The following IRAG1 variants were observed in gnomAD, a reference collection of about 807,000 sequenced individuals.
The protein encoded by IRAG1 is IP3R-associated cGMP kinase substrate.
IRAG1 carries 62 observed loss-of-function variants against 106.2 expected under a neutral mutation model. The observed-to-expected ratio is 0.58, with a 90% confidence interval of 0.48 to 0.72. The LOEUF is 0.72. Among genes scored for constraint, IRAG1 ranks in the 30% least tolerant of loss-of-function variants. The pLI, the probability that IRAG1 is intolerant of heterozygous loss-of-function variation, is 0.00. For synonymous variants in IRAG1, 462 were observed against 443.9 expected (o/e 1.04, Z -0.51); for missense variants, 1,064 against 1,140.7 (o/e 0.93, Z 0.97).
In IRAG1 at chr11:10,605,804, G is replaced by A. The variant is rs137956664; in HGVS notation, c.1602+938C>T. ...AAATTTTCTGCCTTACCCGGCCTTGGTCAAGTCTATGAATAATGCTCAATG... is the reference window on the plus strand; with the variant it reads ...AAATTTTCTGCCTTACCCGGCCTTGATCAAGTCTATGAATAATGCTCAATG... On this transcript the variant is annotated intron_variant, in intron 12 of 20. Coordinates refer to ENST00000423302, the MANE Select transcript of IRAG1 (RefSeq NM_130385.4). Among the ~76,000 whole-genome samples, 890 of 152,302 alleles carry A rather than the reference G, an allele frequency of 5.8e-3. 12 individuals carry two copies. The highest frequency in any genetic ancestry group is 0.02 in the African/African-American group (831 of 41,560).
intron 1 of IRAG1, among the ~76,000 whole-genome samples, chr11:10,689,558 T>C (rs1473857748): frequency 6.6e-6 from 1 of 152,134 alleles, no homozygotes; most frequent in Non-Finnish European, 1.5e-5. Flanking sequence ...TATAAACCTA[T>C]GGAAGAGCCA....
In IRAG1 at chr11:10,627,996, G is replaced by A. The variant is rs59841977; in HGVS notation, c.682C>T (p.Pro228Ser). ...ACCTGTGGTGGTGCTCCAGGCAGAG[G>A]GGATGGCGGGCCACTGCACACATCC... Reference protein sequence around the residue: ...GLDVCSGPPSPLPGAPPQKGD... With the variant: ...GLDVCSGPPSSLPGAPPQKGD... The change falls in exon 7 of 21, where the codon CCT becomes TCT. Residue 228 changes from proline (P) to serine (S), a missense_variant. Pro to Ser is a moderately conservative substitution (Grantham distance 74). Coordinates refer to ENST00000423302, the MANE Select transcript of IRAG1 (RefSeq NM_130385.4). 4,446 of 1,611,372 alleles carry A rather than the reference G, an allele frequency of 2.8e-3. 104 individuals carry two copies. The African/African-American group carries it at 0.053, about 19-fold the overall frequency.
intron 14 of IRAG1, among the ~76,000 whole-genome samples, chr11:10,601,640 T>C (rs909531534): frequency 2.6e-5 from 4 of 152,234 alleles, no homozygotes; most frequent in Non-Finnish European, 5.9e-5. Flanking sequence ...TTTGTAAGTC[T>C]GGGTTGTGAA....
chr11:10,647,605 A>C lies in IRAG1; in HGVS notation c.225+4420T>G, dbSNP rs1288567702. 1.3e-5 allele frequency among the ~76,000 whole-genome samples: 2 copies of C among 152,080 alleles called. No homozygotes were observed. The highest frequency in any genetic ancestry group is 2.9e-5 in the Non-Finnish European group (2 of 68,020). ...CAGGTGGAAGCTAGAGCCGGTGAAA[A>C]TTGGGCTCTTACAGCTAACATGAGC... is the stretch of plus-strand genomic sequence containing the variant. On this transcript the variant is annotated intron_variant, in intron 2 of 20. Coordinates refer to ENST00000423302, the MANE Select transcript of IRAG1 (RefSeq NM_130385.4). This position sits in a 1 kb window ranked among gnomAD's most constrained non-coding sequence, Gnocchi z 4.3.
chr11:10,616,651 C>G (rs977698284), intron 10 of IRAG1, among the ~76,000 whole-genome samples: 3 of 152,156 alleles, frequency 2.0e-5, no homozygotes, highest in African/African-American at 7.2e-5. Flanking sequence ...TACCAAAATT[C>G]AGCAAGTCTT....
chr11:10,628,097 C>G lies in IRAG1; in HGVS notation c.653-72G>C. ...CTCAGCTGTGCTTTCAGCCACATCT[C>G]CCTCCCCGGGCTATCCTCCCTTTGC... On this transcript the variant is annotated intron_variant, in intron 6 of 20. Coordinates refer to ENST00000423302, the MANE Select transcript of IRAG1 (RefSeq NM_130385.4). This position sits in a 1 kb window ranked among gnomAD's most constrained non-coding sequence, Gnocchi z 4.1. 1 of 1,520,010 alleles carries G rather than the reference C, an allele frequency of 6.6e-7. No homozygotes were observed. The highest frequency in any genetic ancestry group is 9.1e-7 in the Non-Finnish European group (1 of 1,102,664). The allele number at this position is 1,520,010 out of a possible 1,614,324, so 94.2% of individuals were successfully genotyped here. A position where few individuals can be genotyped will look rare whatever the true frequency, so the allele number is the denominator to read the frequency against.
At chr11:10,678,381 T>C (rs1194515219) in intron 1 of IRAG1, among the ~76,000 whole-genome samples, 1 of 152,178 alleles carries the variant, frequency 6.6e-6, no homozygotes, top group Non-Finnish European at 1.5e-5. Flanking sequence ...TGTTCCTAGT[T>C]TTTAATACTG....
chr11:10,576,938 A>G (rs1372312968), intron 20 of IRAG1, among the ~76,000 whole-genome samples: 1 of 152,166 alleles, frequency 6.6e-6, no homozygotes, highest in Non-Finnish European at 1.5e-5. Flanking sequence ...CACTCTCCCA[A>G]GCCCGGGGGT....
rs1850806026 is a variant in IRAG1 at position 10,576,267 on chromosome 11, A to G, written c.*65T>C. 2 of 1,599,126 alleles carry G rather than the reference A, an allele frequency of 1.3e-6. No homozygotes were observed. The highest frequency in any genetic ancestry group is 1.1e-5 in the South Asian group (1 of 89,882). On this transcript the variant is annotated 3_prime_UTR_variant, in exon 21 of 21. Transcript: ENST00000423302. The stretch of plus-strand genomic sequence containing the variant: ...TGTGTCCACACTTGGGCCTGACGTT[A>G]TACTTGGGGAAAGGGTGGTAGTCTG...
At chr11:10,691,038 C>A (rs1470311875) in intron 1 of IRAG1, among the ~76,000 whole-genome samples, 1 of 152,088 alleles carries the variant, frequency 6.6e-6, no homozygotes, top group Non-Finnish European at 1.5e-5. Context: ...CCAGAGAGAG[C>A]GGCTGAGGGG....
chr11:10,576,202 A>G lies in IRAG1; in HGVS notation c.*130T>C. ...AGCTCCCACAGAAGTGCCGAGTGTT[A>G]AAAGAACCCTTCCTCATGACCTGAT... On this transcript the variant is annotated 3_prime_UTR_variant, in exon 21 of 21. Transcript: ENST00000423302. The G allele has an allele frequency of 1.6e-6, 2 of 1,242,916 alleles. No homozygotes were observed. The highest frequency in any genetic ancestry group is 2.2e-6 in the Non-Finnish European group (2 of 902,062). 77.0% of individuals were successfully genotyped at this position (1,242,916 alleles called of 1,614,324 possible). A position where few individuals can be genotyped will look rare whatever the true frequency, so the allele number is the denominator to read the frequency against.
intron 18 of IRAG1, among the ~76,000 whole-genome samples, chr11:10,590,256 T>G (rs776339996): frequency 3.9e-5 from 6 of 152,110 alleles, no homozygotes; most frequent in Admixed American, 1.3e-4. Context: ...CTTGACAATT[T>G]CCCTGTAGTG....
At chr11:10,585,081 T>G (rs140187023) in intron 18 of IRAG1, among the ~76,000 whole-genome samples, 1 of 152,308 alleles carries the variant, frequency 6.6e-6, no homozygotes, top group African/African-American at 2.4e-5. Flanking sequence ...AACATTACAT[T>G]TTCATAAAAT....
At chr11:10,633,284 C>G (rs893665609) in intron 3 of IRAG1, among the ~76,000 whole-genome samples, 1 of 152,118 alleles carries the variant, frequency 6.6e-6, no homozygotes, top group East Asian at 1.9e-4. Context: ...ACTGTGTTAG[C>G]CAGGATGGTC....
chr11:10,582,591 T>G (rs560800202), intron 18 of IRAG1, among the ~76,000 whole-genome samples: 1 of 152,194 alleles, frequency 6.6e-6, no homozygotes, highest in South Asian at 2.1e-4. Flanking sequence ...GAGTGAATAG[T>G]TAGAAAAGGC....
chr11:10,606,605 A>C, intron 12 of IRAG1, 137 bp downstream of exon 12: 1 of 854,014 alleles, frequency 1.2e-6, no homozygotes, highest in Non-Finnish European at 1.8e-6. Flanking sequence ...CTGGTCATGA[A>C]TGTTCACATT....
intron 9 of IRAG1, 134 bp from the exon 10 acceptor site, chr11:10,623,990 G>A: frequency 2.7e-6 from 2 of 749,120 alleles, no homozygotes; most frequent in South Asian, 1.6e-5. Flanking sequence ...GGGTGGGCAG[G>A]CATGGCATGG....
intron 15 of IRAG1, among the ~76,000 whole-genome samples, chr11:10,597,464 T>TA (rs551407021): frequency 3.3e-5 from 5 of 152,204 alleles, no homozygotes; most frequent in Non-Finnish European, 5.9e-5. Context: ...AAGCTAGAAC[T>TA]ACAGGTGCCC....
chr11:10,604,630 T>C, intron 12 of IRAG1, 85 bp from the exon 13 acceptor site: 1 of 1,522,348 alleles, frequency 6.6e-7, no homozygotes, highest in Non-Finnish European at 9.0e-7. Flanking sequence ...GCACGAGCGT[T>C]TTGCAACGGC....
Sources: gnomAD v4.1 joint callset for allele counts (sites outside exome capture counted in the v4.1 genomes callset) on GRCh38, gnomAD v4.1.1 for gene constraint, Gnocchi (gnomAD v3.1) non-coding constraint, MANE v1.5 for transcripts, NCBI Gene and HGNC (gene_info 2026-07-23, HGNC 2026-07-21) for gene names.